PPP6R2: variants seen among roughly 807,000 people sequenced by gnomAD.
PPP6R2 encodes serine/threonine-protein phosphatase 6 regulatory subunit 2.
In PPP6R2, 62 loss-of-function variants were observed where a neutral mutation model predicts 100.2. The observed-to-expected ratio is 0.62, with a 90% CI of 0.50 to 0.76. The LOEUF is 0.76. Among genes scored for constraint, PPP6R2 ranks in the 30% least tolerant of loss-of-function variants. The pLI, the probability that PPP6R2 is intolerant of heterozygous loss-of-function variation, is 0.00. For missense variants in PPP6R2, 1,142 were observed against 1,276.3 expected, an observed-to-expected ratio of 0.89 and a Z score of 1.60; for synonymous variants, 525 against 514.7, an observed-to-expected ratio of 1.02 and a Z score of -0.27.
upstream of PPP6R2, among the ~76,000 whole-genome samples, chr22:50,339,360 G>A (rs2042342525): frequency 1.5e-5 from 2 of 132,940 alleles, no homozygotes; most frequent in East Asian, 5.0e-4. Flanking sequence ...GTGGTATGTG[G>A]TGTGTGTGGC....
intron 1 of PPP6R2, among the ~76,000 whole-genome samples, chr22:50,356,941 AAAC>A (rs1474756310): frequency 1.3e-5 from 2 of 151,706 alleles, no homozygotes; most frequent in South Asian, 2.1e-4. Flanking sequence ...CTCAAAAAAA[AAAC>A]AAAAAAGCAA....
At chr22:50,414,185 G>A (rs1311119359) in intron 4 of PPP6R2, among the ~76,000 whole-genome samples, 2 of 152,146 alleles carry the variant, frequency 1.3e-5, no homozygotes, top group Non-Finnish European at 2.9e-5. Flanking sequence ...CATCAGCTCA[G>A]CTCAGCTCTG....
At chr22:50,420,603 G>T (rs2061198349) in intron 8 of PPP6R2, among the ~76,000 whole-genome samples, 2 of 152,194 alleles carry the variant, frequency 1.3e-5, no homozygotes, top group African/African-American at 4.8e-5. Flanking sequence ...TAGAAGGCTG[G>T]GCACTGCCAG....
chr22:50,411,416 T>C (rs1428800969), intron 4 of PPP6R2, among the ~76,000 whole-genome samples: 2 of 151,842 alleles, frequency 1.3e-5, no homozygotes, highest in African/African-American at 4.8e-5. Context: ...ATTGGGCCAC[T>C]GCACTCCAGC....
intron 5 of PPP6R2, among the ~76,000 whole-genome samples, chr22:50,415,632 G>A (rs1165644499): frequency 3.3e-5 from 5 of 152,232 alleles, no homozygotes; most frequent in Non-Finnish European, 5.9e-5. Context: ...GCCAGACCCC[G>A]ACACTCACAC....
At chr22:50,368,411 A>G (rs1258430611) in intron 1 of PPP6R2, among the ~76,000 whole-genome samples, 1 of 152,046 alleles carries the variant, frequency 6.6e-6, no homozygotes, top group Non-Finnish European at 1.5e-5. Flanking sequence ...GAAGGCTCAC[A>G]CTCTTGTCTT....
chr22:50,428,958 A>C (rs1164954267), intron 10 of PPP6R2, among the ~76,000 whole-genome samples: 1 of 152,142 alleles, frequency 6.6e-6, no homozygotes, highest in African/African-American at 2.4e-5. Context: ...TGGGCTTTTC[A>C]TAGGTGCCTT....
At chr22:50,341,537 G>T (rs910418300), upstream of PPP6R2, among the ~76,000 whole-genome samples, 3 of 152,210 alleles carry the variant, frequency 2.0e-5, no homozygotes, top group African/African-American at 4.8e-5. Context: ...CCCTCTGGGT[G>T]CTTTGCTGAT....
rs373181429 is a variant in PPP6R2, at chr22:50,384,424, G to T, written c.-16-9469G>T. The stretch of plus-strand genomic sequence containing the variant: ...CAAAAAATTAGCCGGGCGTCGTGGC[G>T]GGTGCCTGTAGTCCCAGCTACTCAG... On this transcript the variant is annotated intron_variant, in intron 2 of 23. Coordinates refer to ENST00000612753, the MANE Select transcript of PPP6R2 (RefSeq NM_001242898.2). Among the ~76,000 whole-genome samples, 4 of 152,124 alleles carry T rather than the reference G, an allele frequency of 2.6e-5. No homozygotes were observed. In the East Asian group the frequency reaches 7.8e-4, roughly 30 times the overall value.
chr22:50,343,651 C>T (rs1344102057), intron 1 of PPP6R2, 101 bp downstream of exon 1: 1 of 126,094 alleles, frequency 7.9e-6, no homozygotes, highest in Non-Finnish European at 1.7e-5. Context: ...AGATAGTTAT[C>T]CCCCAGTCAG....
At chr22:50,401,787 C>G (rs958118399) in intron 3 of PPP6R2, among the ~76,000 whole-genome samples, 5 of 151,728 alleles carry the variant, frequency 3.3e-5, no homozygotes, top group Non-Finnish European at 5.9e-5. Context: ...CGCCTGCCAC[C>G]ACGCCCGGCT....
chr22:50,442,573 A>G lies in PPP6R2; in HGVS notation c.2580-1293A>G, dbSNP rs12485072. On this transcript the variant is annotated intron_variant, in intron 22 of 23. Coordinates refer to ENST00000612753, the MANE Select transcript of PPP6R2 (RefSeq NM_001242898.2). Reference sequence around the variant, plus strand: ...AAATTTTTGTTTGTTTGTTTGAGACAGAGTCTTGCTCTGTTGCCCAGGCTG... The same window carrying G: ...AAATTTTTGTTTGTTTGTTTGAGACGGAGTCTTGCTCTGTTGCCCAGGCTG... 7.4e-3 allele frequency among the ~76,000 whole-genome samples: 917 copies of G among 123,900 alleles called. 3 individuals carry two copies. Among genetic ancestry groups the G allele is most frequent in the South Asian group, 0.041 (125 of 3,078 alleles). 81.3% of individuals were successfully genotyped at this position (123,900 alleles called of 152,430 possible).
At chr22:50,354,305 A>T (rs952964646) in intron 1 of PPP6R2, among the ~76,000 whole-genome samples, 12 of 152,144 alleles carry the variant, frequency 7.9e-5, no homozygotes, top group Non-Finnish European at 1.8e-4. Context: ...ACTTTGTCTC[A>T]AAATAAATAA....
At chr22:50,339,141 T>TG (rs2042339079), upstream of PPP6R2, among the ~76,000 whole-genome samples, 1 of 114,252 alleles carries the variant, frequency 8.8e-6, no homozygotes, top group Admixed American at 8.9e-5. Flanking sequence ...TGTGTGTGGT[T>TG]TGTGGTGTGT....
intron 2 of PPP6R2, among the ~76,000 whole-genome samples, chr22:50,374,644 A>C (rs1345936608): frequency 6.6e-6 from 1 of 152,176 alleles, no homozygotes; most frequent in South Asian, 2.1e-4. Context: ...AGCCAGGTGC[A>C]GTAGTTCACG....
intron 3 of PPP6R2, among the ~76,000 whole-genome samples, chr22:50,404,572 C>T (rs2058545536): frequency 6.6e-6 from 1 of 151,400 alleles, no homozygotes; most frequent in African/African-American, 2.4e-5. Context: ...TGTGCCACCT[C>T]GCCTGGCTAA....
At chr22:50,414,791 C>G in intron 5 of PPP6R2, 102 bp downstream of exon 5, 1 of 1,328,284 alleles carries the variant, frequency 7.5e-7, no homozygotes. Context: ...CGGCCCCCAT[C>G]TCTCCACCTA....
In PPP6R2 at chr22:50,437,848, C is replaced by T. The variant is rs1480107111; in HGVS notation, c.1787C>T (p.Pro596Leu). 6 of 1,552,794 alleles carry T rather than the reference C, an allele frequency of 3.9e-6. No homozygotes were observed. The highest frequency in any genetic ancestry group is 4.4e-6 in the Non-Finnish European group (5 of 1,147,736). Residue 596 changes from proline (P) to leucine (L), a missense_variant, in exon 17 of 24, where the codon CCG (proline) becomes CTG (leucine). By Grantham distance (98) the Pro-to-Leu change is moderately conservative (BLOSUM62 -3). Transcript: ENST00000612753. The stretch of plus-strand genomic sequence containing the variant: ...CATCCCCCTTGCTCTTGCAGTGCCC[C>T]GTTTGACAGGATCGCAGAGATCAAC... Reference protein sequence around the residue: ...FADQDDNINAPFDRIAEINFN... With the variant: ...FADQDDNINALFDRIAEINFN...
rs1602599232 is a variant in PPP6R2, at chr22:50,375,480, T to C, written c.-17+3330T>C. 3.3e-5 allele frequency among the ~76,000 whole-genome samples: 5 copies of C among 152,182 alleles called. No homozygotes were observed. In the South Asian group the frequency reaches 1.0e-3, roughly 32 times the overall value. On this transcript the variant is annotated intron_variant, in intron 2 of 23. Transcript: ENST00000612753. Reference sequence around the variant, plus strand: ...TAAGCTCGATTCCTCTCAAGGTAAATAGCCTAAAGGAGACCCTCCCCACAC... The same window carrying C: ...TAAGCTCGATTCCTCTCAAGGTAAACAGCCTAAAGGAGACCCTCCCCACAC...
Sources: gnomAD v4.1 joint callset for allele counts (sites outside exome capture counted in the v4.1 genomes callset) on GRCh38, gnomAD v4.1.1 for gene constraint, MANE v1.5 for transcripts, NCBI Gene and HGNC (gene_info 2026-07-23, HGNC 2026-07-21) for gene names.